The following MSN variants were observed in gnomAD, a reference collection of about 807,000 sequenced individuals.
MSN encodes the protein epididymis luminal protein 70.
MSN carries 2 observed loss-of-function variants against 48.0 expected under a neutral mutation model. That is an observed-to-expected ratio of 0.04 (90% CI 0.02 to 0.13). The LOEUF is 0.13. Ranked by LOEUF, MSN falls within the 10% of genes least tolerant of loss-of-function variation. The pLI is 1.00. For missense variants in MSN, 267 were observed against 470.1 expected (o/e 0.57, Z 3.99); for synonymous variants, 146 against 166.9 (o/e 0.87, Z 0.97).
intron 7 of MSN, among the ~76,000 whole-genome samples, chrX:65,734,911 C>A (rs2071659787): frequency 8.9e-6 from 1 of 112,095 alleles, no homozygotes; most frequent in Admixed American, 9.5e-5. Context: ...TGAGACCTAG[C>A]ATGTTCCCTA....
At chrX:65,702,588 C>A (rs577373928) in intron 1 of MSN, among the ~76,000 whole-genome samples, 7 of 110,719 alleles carry the variant, frequency 6.3e-5, no homozygotes, top group South Asian at 3.9e-4. Flanking sequence ...ATTGCTTGAA[C>A]CCGGGAGACG....
intron 1 of MSN, among the ~76,000 whole-genome samples, chrX:65,646,272 G>A (rs1170593537): frequency 9.0e-6 from 1 of 111,484 alleles, no homozygotes; most frequent in East Asian, 2.8e-4. Flanking sequence ...CCTCAACAGG[G>A]TTCCTCAGTT....
intron 1 of MSN, among the ~76,000 whole-genome samples, chrX:65,678,667 T>A (rs762615368): frequency 2.7e-5 from 3 of 111,445 alleles, no homozygotes; most frequent in African/African-American, 6.5e-5. Flanking sequence ...TGTCTAACTT[T>A]AGGTTAGAAG....
rs192750916 is a variant in MSN at position 65,736,313 on chromosome X, G to A, written c.960-482G>A. 2.7e-5 allele frequency among the ~76,000 whole-genome samples: 3 copies of A among 111,041 alleles called. No homozygotes were observed. The East Asian group carries it at 8.5e-4, about 32-fold the overall frequency. On this transcript the variant is annotated intron_variant, in intron 8 of 12. Transcript: ENST00000360270. ...GGGCCCCGTGTACACTGGCCTATGT[G>A]GGGCTATGATATGAGGACAAGGGTA...
chrX:65,633,260 C>G (rs1026538132), intron 1 of MSN, among the ~76,000 whole-genome samples: 1 of 111,397 alleles, frequency 9.0e-6, no homozygotes, highest in South Asian at 3.7e-4. Context: ...TTTTTTTGCA[C>G]CCCTTTTCTT....
At chrX:65,631,407 T>C (rs1334879203) in intron 1 of MSN, among the ~76,000 whole-genome samples, 1 of 111,256 alleles carries the variant, frequency 9.0e-6, no homozygotes, top group African/African-American at 3.3e-5. Flanking sequence ...TACATCCTTC[T>C]TAACCGCTGA....
At chrX:65,604,374 A>C (rs1252911094) in intron 1 of MSN, among the ~76,000 whole-genome samples, 1 of 111,721 alleles carries the variant, frequency 9.0e-6, no homozygotes, top group Non-Finnish European at 1.9e-5. Flanking sequence ...GCAGGGTTAG[A>C]GATAGAATAT....
intron 1 of MSN, among the ~76,000 whole-genome samples, chrX:65,622,484 T>G (rs960567280): frequency 9.2e-6 from 1 of 108,330 alleles, no homozygotes; most frequent in Non-Finnish European, 1.9e-5. Flanking sequence ...CAATTTTGAA[T>G]AGCAGTGATG....
chrX:65,740,291 T>C lies in MSN; in HGVS notation c.*398T>C. 5.3e-6 allele frequency: 1 copy of C among 190,442 alleles called. No homozygotes were observed. The highest frequency in any genetic ancestry group is 9.9e-6 in the Non-Finnish European group (1 of 101,490). 15.7% of individuals were successfully genotyped at this position (190,442 alleles called of 1,213,427 possible). The stretch of plus-strand genomic sequence containing the variant: ...TCCCCTACCACTGTCTTCTTCAGGG[T>C]CCTGAGATTTACACGGTTGGAGTGT... On this transcript the variant is annotated 3_prime_UTR_variant, in exon 13 of 13. Coordinates refer to ENST00000360270, the MANE Select transcript of MSN (RefSeq NM_002444.3).
At chrX:65,621,672 G>A (rs1269242361) in intron 1 of MSN, among the ~76,000 whole-genome samples, 2 of 111,814 alleles carry the variant, frequency 1.8e-5, no homozygotes, top group Non-Finnish European at 3.8e-5. Flanking sequence ...AAAAAAACCT[G>A]TTGGAATTTG....
Position 65,673,334 on chromosome X carries a change from T to C in MSN, c.12+5481T>C, listed in dbSNP as rs1292766383. ...TACTAGATTATGTTTCAGATTTTCT[T>C]CTAACATGGTGAGTGTGGTAGTTAG... is the stretch of plus-strand genomic sequence containing the variant. On this transcript the variant is annotated intron_variant, in intron 1 of 12. Coordinates refer to ENST00000360270, the MANE Select transcript of MSN (RefSeq NM_002444.3). Among the ~76,000 whole-genome samples, 3 of 111,888 alleles carry C rather than the reference T, an allele frequency of 2.7e-5. No individual in the cohort carries two copies. In the East Asian group the frequency reaches 8.4e-4, roughly 31 times the overall value.
intron 1 of MSN, among the ~76,000 whole-genome samples, chrX:65,695,774 C>G (rs1308032414): frequency 9.3e-6 from 1 of 107,169 alleles, no homozygotes; most frequent in South Asian, 3.7e-4. Context: ...GAGCTGGCAC[C>G]TAATGCCAAA....
intron 1 of MSN, among the ~76,000 whole-genome samples, chrX:65,637,732 G>T (rs2070616709): frequency 9.2e-6 from 1 of 108,623 alleles, no homozygotes; most frequent in African/African-American, 3.4e-5. Context: ...TCACTATGTT[G>T]CCCAGGCTGG....
intron 5 of MSN, 56 bp from the exon 6 acceptor site, chrX:65,731,782 T>C: frequency 8.6e-7 from 1 of 1,159,368 alleles, no homozygotes; most frequent in East Asian, 3.0e-5. Flanking sequence ...GCTTTCTATC[T>C]CCTTGGGTCT....
At chrX:65,647,767 C>G (rs1050132558) in intron 1 of MSN, among the ~76,000 whole-genome samples, 1 of 111,517 alleles carries the variant, frequency 9.0e-6, no homozygotes, top group Non-Finnish European at 1.9e-5. Context: ...CAAGCAGTGA[C>G]AGAGAGAGTT....
chrX:65,680,158 T>A (rs1259617307), intron 1 of MSN, among the ~76,000 whole-genome samples: 1 of 112,088 alleles, frequency 8.9e-6, no homozygotes, highest in Non-Finnish European at 1.9e-5. Flanking sequence ...AGAAGAGTGG[T>A]TCTTTTTTTA....
chrX:65,660,080 G>C (rs2070810557), intron 1 of MSN, among the ~76,000 whole-genome samples: 2 of 111,481 alleles, frequency 1.8e-5, no homozygotes, highest in African/African-American at 3.3e-5. Flanking sequence ...TAGCACCTCG[G>C]CTGCCTCTGC....
At chrX:65,648,018 C>T (rs763951125) in intron 1 of MSN, among the ~76,000 whole-genome samples, 2 of 109,751 alleles carry the variant, frequency 1.8e-5, no homozygotes, top group South Asian at 7.9e-4. Flanking sequence ...GTTGTCCATT[C>T]GACTGGGCTG....
intron 1 of MSN, among the ~76,000 whole-genome samples, chrX:65,617,653 A>C (rs1455050409): frequency 4.1e-5 from 4 of 96,805 alleles, no homozygotes; most frequent in Non-Finnish European, 6.0e-5. Flanking sequence ...CTTTCAAAAA[A>C]CCAGCTCCTG....
Sources: allele counts gnomAD v4.1 joint callset (sites outside exome capture counted in the v4.1 genomes callset), GRCh38; gene constraint gnomAD v4.1.1; transcripts MANE v1.5; gene names NCBI Gene and HGNC (gene_info 2026-07-23, HGNC 2026-07-21).